CD80: variants seen among roughly 807,000 people sequenced by gnomAD.
The protein encoded by CD80 is CD80 molecule, also known as T-lymphocyte activation antigen CD80.
CD80 carries 13 observed loss-of-function variants against 27.1 expected under a neutral mutation model. The ratio of observed to expected loss-of-function variants is 0.48; its 90% CI spans 0.31 to 0.76. The LOEUF is 0.76. Ranked by LOEUF, CD80 falls within the 30% of genes least tolerant of loss-of-function variation. CD80 has a pLI of 0.04. For synonymous variants in CD80, 125 were observed against 125.5 expected (o/e 1.00, Z 0.03); for missense variants, 277 against 347.9 (o/e 0.80, Z 1.62).
chr3:119,556,778 A>G (rs1385520), intron 2 of CD80, among the ~76,000 whole-genome samples: 25,443 of 152,054 alleles, frequency 0.17, 2,446 homozygotes, highest in South Asian at 0.27. Context: ...CTGGAGCCCA[A>G]ACTTCTTTGT....
rs2082273300 is a variant in CD80, at chr3:119,557,935, AAGGAACAAATAAAAGTCATTC to A, written c.-200-28_-200-8del. 2.5e-6 allele frequency: 1 copy of A among 393,342 alleles called. No individual in the cohort carries two copies. Among genetic ancestry groups the A allele is most frequent in the Non-Finnish European group, 4.5e-6 (1 of 221,432 alleles). 24.4% of individuals were successfully genotyped at this position (393,342 alleles called of 1,614,324 possible). A position where few individuals can be genotyped will look rare whatever the true frequency, so the allele number is the denominator to read the frequency against. ...GTGGATTTAGTTTCACAGCCTGAAA[AAGGAACAAATAAAAGTCATTC>A]AGGAAGGAAGGTGTGCCTACTTTGA... On this transcript the variant is annotated splice_region_variant and splice_polypyrimidine_tract_variant and intron_variant, in intron 1 of 6. Coordinates refer to ENST00000264246, the MANE Select transcript of CD80 (RefSeq NM_005191.4).
rs2082281347 is a variant in CD80, at chr3:119,559,512, T to G, written c.-273A>C. On this transcript the variant is annotated 5_prime_UTR_variant, in exon 1 of 7. Coordinates refer to ENST00000264246, the MANE Select transcript of CD80 (RefSeq NM_005191.4). Reference sequence around the variant, plus strand: ...GTAAGACTCCACTTCTGAGATGTTCTCTTCTTACAGTCTATAAAGCAATGA... The same window carrying G: ...GTAAGACTCCACTTCTGAGATGTTCGCTTCTTACAGTCTATAAAGCAATGA... 6.6e-6 allele frequency: 1 copy of G among 152,246 alleles called. No individual in the cohort carries two copies. The highest frequency in any genetic ancestry group is 2.4e-5 in the African/African-American group (1 of 41,464). The allele number at this position is 152,246 out of a possible 1,614,324, so 9.4% of individuals were successfully genotyped here.
rs777560868 is a variant in CD80 at position 119,544,649 on chromosome 3, G to A, written c.319C>T (p.Arg107Cys). 20 of 1,614,082 alleles carry A rather than the reference G, an allele frequency of 1.2e-5. No individual in the cohort carries two copies. Among genetic ancestry groups the A allele is most frequent in the East Asian group, 6.7e-5 (3 of 44,886 alleles). ...TCGTATGTGCCCTCGTCAGATGGGCGCAGAGCCAGGATCACAATGGAGAGG... is the reference window on the plus strand; with the variant it reads ...TCGTATGTGCCCTCGTCAGATGGGCACAGAGCCAGGATCACAATGGAGAGG... ...NNLSIVILALRPSDEGTYECV... is the reference protein window; with the variant it reads ...NNLSIVILALCPSDEGTYECV... The change falls in exon 3 of 7, where the codon CGC becomes TGC. Residue 107 changes from arginine to cysteine, a missense_variant. Coordinates refer to ENST00000264246, the MANE Select transcript of CD80 (RefSeq NM_005191.4).
intron 2 of CD80, among the ~76,000 whole-genome samples, chr3:119,545,429 CATT>C (rs965285783): frequency 1.4e-4 from 21 of 152,288 alleles, no homozygotes; most frequent in African/African-American, 3.6e-4. Flanking sequence ...AGTATATTCA[CATT>C]GTTGTGAAAC....
chr3:119,530,303 A>G (rs558808533), intron 4 of CD80, among the ~76,000 whole-genome samples: 1 of 152,078 alleles, frequency 6.6e-6, no homozygotes, highest in East Asian at 1.9e-4. Context: ...GGTATACTTT[A>G]TTTTTCCTTC....
chr3:119,538,864 G>C (rs2082152799), intron 3 of CD80, among the ~76,000 whole-genome samples: 1 of 152,104 alleles, frequency 6.6e-6, no homozygotes, highest in Non-Finnish European at 1.5e-5. Context: ...GCCTTTTGAG[G>C]GGGCATTGTG....
At chr3:119,531,571 A>T (rs2107740184) in intron 4 of CD80, among the ~76,000 whole-genome samples, 1 of 152,338 alleles carries the variant, frequency 6.6e-6, no homozygotes, top group South Asian at 2.1e-4. Flanking sequence ...CGGAGCTAGC[A>T]AGGCTGGGCT....
chr3:119,548,095 C>T (rs2082211193), intron 2 of CD80, among the ~76,000 whole-genome samples: 1 of 152,096 alleles, frequency 6.6e-6, no homozygotes, highest in African/African-American at 2.4e-5. Context: ...GTTCTCCTGC[C>T]TCAGCCTCCT....
intron 2 of CD80, among the ~76,000 whole-genome samples, chr3:119,555,664 T>C (rs1264189736): frequency 1.3e-5 from 2 of 152,254 alleles, no homozygotes; most frequent in African/African-American, 4.8e-5. Context: ...GTGCCCTGCC[T>C]TCAAAGCACG....
chr3:119,555,738 C>G (rs1448677012), intron 2 of CD80, among the ~76,000 whole-genome samples: 2 of 152,236 alleles, frequency 1.3e-5, no homozygotes, highest in African/African-American at 4.8e-5. Context: ...TACTTTTCCT[C>G]TTTCCAATGA....
chr3:119,553,935 AC>A (rs2082248914), intron 2 of CD80, among the ~76,000 whole-genome samples: 1 of 152,186 alleles, frequency 6.6e-6, no homozygotes, highest in Non-Finnish European at 1.5e-5. Context: ...GTGAACTAGC[AC>A]CGACAGGGCT....
At chr3:119,531,649 T>TTTTATTTATTTATTTATTTA (rs145319833) in intron 4 of CD80, among the ~76,000 whole-genome samples, 7 of 149,072 alleles carry the variant, frequency 4.7e-5, no homozygotes, top group African/African-American at 1.7e-4. Context: ...CAGTGGTAAG[T>TTTTATTTATTTATTTATTTA]TTTATTTATT....
intron 4 of CD80, among the ~76,000 whole-genome samples, chr3:119,536,047 C>T (rs896884282): frequency 1.3e-5 from 2 of 151,776 alleles, no homozygotes; most frequent in Non-Finnish European, 2.9e-5. Context: ...GTCAGGAGTT[C>T]GAGACCAGCC....
chr3:119,543,069 TG>T (rs1488020306), intron 3 of CD80, among the ~76,000 whole-genome samples: 1 of 152,190 alleles, frequency 6.6e-6, no homozygotes, highest in Non-Finnish European at 1.5e-5. Context: ...CCCAGCTCAC[TG>T]GCTTCCCCCG....
At chr3:119,549,175 G>T (rs1276539396) in intron 2 of CD80, among the ~76,000 whole-genome samples, 2 of 152,034 alleles carry the variant, frequency 1.3e-5, no homozygotes, top group African/African-American at 4.8e-5. Flanking sequence ...ACCCTAAATG[G>T]ATCCTATATC....
At chr3:119,555,472 C>A (rs2082259168) in intron 2 of CD80, among the ~76,000 whole-genome samples, 1 of 152,172 alleles carries the variant, frequency 6.6e-6, no homozygotes, top group Non-Finnish European at 1.5e-5. Flanking sequence ...TGGGGTAGAC[C>A]ACGCCACTCT....
chr3:119,549,549 C>T (rs1311694852), intron 2 of CD80, among the ~76,000 whole-genome samples: 1 of 152,176 alleles, frequency 6.6e-6, no homozygotes, highest in Admixed American at 6.5e-5. Context: ...TGTCTAGGGA[C>T]TTCATTTCCA....
In CD80 at chr3:119,535,191, C is replaced by CAAAA. The variant is rs56348025; in HGVS notation, c.700+1942_700+1945dup. On this transcript the variant is annotated intron_variant, in intron 4 of 6. Transcript: ENST00000264246. ...TGGGTGACAGAGCGAGACTCCGTCTCAAAAAAAAAAAAAAAAATCTGCTGT... is the reference window on the plus strand; with the variant it reads ...TGGGTGACAGAGCGAGACTCCGTCTCAAAAAAAAAAAAAAAAAAAAATCTGCTGT... 1.6e-4 allele frequency among the ~76,000 whole-genome samples: 14 copies of CAAAA among 85,072 alleles called. No individual in the cohort carries two copies. The South Asian group carries it at 3.9e-3, about 24-fold the overall frequency. The allele number at this position is 85,072 out of a possible 152,430, so 55.8% of individuals were successfully genotyped here. A position where few individuals can be genotyped will look rare whatever the true frequency, so the allele number is the denominator to read the frequency against.
intron 2 of CD80, among the ~76,000 whole-genome samples, chr3:119,546,907 A>C (rs13065265): frequency 0.099 from 15,062 of 152,154 alleles, 982 homozygotes; most frequent in Non-Finnish European, 0.14. Flanking sequence ...AAAATCTAAG[A>C]ATAAATTTTA....
Sources: gnomAD v4.1 joint callset for allele counts (sites outside exome capture counted in the v4.1 genomes callset) on GRCh38, gnomAD v4.1.1 for gene constraint, MANE v1.5 for transcripts, NCBI Gene and HGNC (gene_info 2026-07-23, HGNC 2026-07-21) for gene names.